The following LTBP1 variants were observed in gnomAD, a reference collection of about 807,000 sequenced individuals.
LTBP1 encodes the protein latent transforming growth factor beta binding protein 1.
A neutral mutation model predicts 207.6 loss-of-function variants in LTBP1; 129 were observed. The ratio of observed to expected loss-of-function variants is 0.62; its 90% CI spans 0.54 to 0.72. The LOEUF (loss-of-function observed/expected upper bound fraction) is 0.72, where lower values mean the gene tolerates loss of function less well. LTBP1 is among the 30% of genes least tolerant of loss of function. The pLI, the probability that LTBP1 is intolerant of heterozygous loss-of-function variation, is 0.00. For synonymous variants in LTBP1, 963 were observed against 833.7 expected, an observed-to-expected ratio of 1.16 and a Z score of -2.67; for missense variants, 2,281 against 2,217.2, an observed-to-expected ratio of 1.03 and a Z score of -0.58.
At chr2:32,951,857 T>G (rs1350342437) in intron 2 of LTBP1, among the ~76,000 whole-genome samples, 1 of 152,202 alleles carries the variant, frequency 6.6e-6, no homozygotes, top group Non-Finnish European at 1.5e-5. Context: ...TTCCTTATTA[T>G]GCGGAGATTG....
chr2:33,356,236 C>T (rs2094857616), intron 26 of LTBP1, among the ~76,000 whole-genome samples: 2 of 152,154 alleles, frequency 1.3e-5, no homozygotes, highest in Non-Finnish European at 2.9e-5. Context: ...GACAGGGAAG[C>T]AATCGTGATG....
Position 33,262,769 on chromosome 2 carries a change from A to G in LTBP1, c.2466A>G (p.Gln822=), listed in dbSNP as rs1228488993. 1 of 1,606,310 alleles carries G rather than the reference A, an allele frequency of 6.2e-7. No homozygotes were observed. Among genetic ancestry groups the G allele is most frequent in the Non-Finnish European group, 8.5e-7 (1 of 1,175,318 alleles). The part of the protein sequence containing the change: ...DQEKTKLEPG[Q]PQLSPGISTI... ...AGAAAACCAAACTTGAGCCTGGTCA[A>G]CCCCAGCTGTCTCCAGGCATTTCCA... is the stretch of plus-strand genomic sequence containing the variant. The change falls in exon 14 of 34, where the codon CAA becomes CAG. Residue 822 remains glutamine, a synonymous_variant. Transcript: ENST00000404816.
chr2:32,996,291 G>A (rs141031704), intron 2 of LTBP1, among the ~76,000 whole-genome samples: 4 of 152,254 alleles, frequency 2.6e-5, no homozygotes, highest in East Asian at 1.9e-4. Flanking sequence ...ATAACTTCAC[G>A]TGGTGGAAGG....
intron 3 of LTBP1, among the ~76,000 whole-genome samples, chr2:33,072,892 C>T (rs1012727409): frequency 1.3e-5 from 2 of 152,206 alleles, no homozygotes; most frequent in Non-Finnish European, 2.9e-5. Context: ...GTCTTATGGT[C>T]TACCACCACT....
At chr2:33,136,365 A>G (rs985817240) in intron 5 of LTBP1, among the ~76,000 whole-genome samples, 6 of 152,206 alleles carry the variant, frequency 3.9e-5, no homozygotes, top group African/African-American at 1.4e-4. Context: ...GCCAGTTAAT[A>G]TTTCTGGGCC....
chr2:33,066,688 G>C (rs553201214), intron 3 of LTBP1, among the ~76,000 whole-genome samples: 1 of 152,320 alleles, frequency 6.6e-6, no homozygotes, highest in Admixed American at 6.5e-5. Context: ...CAGAAATGCT[G>C]TGGTGAAAAG....
chr2:33,040,087 G>A (rs550797258), intron 3 of LTBP1, among the ~76,000 whole-genome samples: 1 of 152,218 alleles, frequency 6.6e-6, no homozygotes, highest in South Asian at 2.1e-4. Flanking sequence ...GGCCCATAGA[G>A]ATTTCATTCC....
At chr2:33,115,343 G>T (rs2080682303) in intron 4 of LTBP1, among the ~76,000 whole-genome samples, 1 of 152,044 alleles carries the variant, frequency 6.6e-6, no homozygotes, top group African/African-American at 2.4e-5. Flanking sequence ...CCAGGGACAG[G>T]GGAGAGTGGG....
At chr2:33,257,613 C>T (rs990462534) in intron 12 of LTBP1, 102 bp downstream of exon 12, 2 of 936,818 alleles carry the variant, frequency 2.1e-6, no homozygotes, top group Non-Finnish European at 3.2e-6. Context: ...TCAGCCTAAG[C>T]ACTATTGGCA....
rs540386708 is a variant in LTBP1, at chr2:33,225,206, C to G, written c.1876+3055C>G. The stretch of plus-strand genomic sequence containing the variant: ...TTTGATACTTAAAATGTATAGTGAT[C>G]AGATCAAGGTATTTAGCAAATCTAT... On this transcript the variant is annotated intron_variant, in intron 9 of 33. Transcript: ENST00000404816. Among the ~76,000 whole-genome samples the G allele has an allele frequency of 4.8e-4, 73 of 152,198 alleles. 1 individual carries two copies. Among genetic ancestry groups the G allele is most frequent in the African/African-American group, 1.7e-3 (69 of 41,522 alleles).
intron 3 of LTBP1, among the ~76,000 whole-genome samples, chr2:33,026,587 C>A (rs527304890): frequency 6.6e-6 from 1 of 152,048 alleles, no homozygotes; most frequent in East Asian, 1.9e-4. Context: ...GTCTGCCCAA[C>A]GAGTCTGTGA....
intron 19 of LTBP1, 150 bp downstream of exon 19, chr2:33,280,308 A>T: frequency 4.1e-6 from 3 of 739,834 alleles, no homozygotes; most frequent in Non-Finnish European, 4.0e-6. Flanking sequence ...ACTTTTAACC[A>T]TTGAGAAAAT....
chr2:33,254,776 T>G (rs1573451178), intron 11 of LTBP1, among the ~76,000 whole-genome samples: 1 of 87,328 alleles, frequency 1.1e-5, no homozygotes, highest in Non-Finnish European at 2.0e-5. Context: ...GTCCCCAGAG[T>G]GTGATGTTCC....
intron 4 of LTBP1, among the ~76,000 whole-genome samples, chr2:33,120,902 A>C (rs2081069310): frequency 6.6e-6 from 1 of 152,218 alleles, no homozygotes; most frequent in Non-Finnish European, 1.5e-5. Flanking sequence ...AAGACTACAA[A>C]ACTTCATTAG....
chr2:33,232,090 G>A (rs560551707), intron 9 of LTBP1, among the ~76,000 whole-genome samples: 1 of 152,140 alleles, frequency 6.6e-6, no homozygotes, highest in Admixed American at 6.6e-5. Flanking sequence ...AAATTACTAA[G>A]AGGACACATG....
intron 31 of LTBP1, among the ~76,000 whole-genome samples, chr2:33,379,586 G>T (rs932499987): frequency 6.6e-6 from 1 of 152,224 alleles, no homozygotes; most frequent in Non-Finnish European, 1.5e-5. Context: ...GGCAGAAGTT[G>T]CTAGGACTGT....
chr2:33,210,047 C>T (rs184550373), intron 7 of LTBP1, among the ~76,000 whole-genome samples: 118 of 152,292 alleles, frequency 7.7e-4, no homozygotes, highest in African/African-American at 2.6e-3. Context: ...GCCATTTACC[C>T]AGTTGTGGGT....
chr2:33,303,084 A>T (rs889366243), intron 22 of LTBP1, among the ~76,000 whole-genome samples: 2 of 152,078 alleles, frequency 1.3e-5, no homozygotes, highest in African/African-American at 4.8e-5. Flanking sequence ...GTGTTTTAGG[A>T]ACTCTCTAAT....
intron 15 of LTBP1, among the ~76,000 whole-genome samples, chr2:33,267,051 A>G (rs1174784510): frequency 4.6e-5 from 7 of 152,248 alleles, no homozygotes; most frequent in Non-Finnish European, 8.8e-5. Context: ...GCTTTCGGGC[A>G]GCACTGTGTC....
Sources: allele counts gnomAD v4.1 joint callset (sites outside exome capture counted in the v4.1 genomes callset), GRCh38; gene constraint gnomAD v4.1.1; transcripts MANE v1.5; gene names NCBI Gene and HGNC (gene_info 2026-07-23, HGNC 2026-07-21).